Variants in SCAPER observed in about 807,000 individuals in gnomAD.
SCAPER encodes S phase cyclin A-associated protein in the endoplasmic reticulum.
SCAPER carries 98 observed loss-of-function variants against 182.2 expected under a neutral mutation model. That is an observed-to-expected ratio of 0.54 (90% CI 0.46 to 0.64). The LOEUF is 0.64. Ranked by LOEUF, SCAPER falls within the 30% of genes least tolerant of loss-of-function variation. SCAPER has a pLI of 0.00. For synonymous variants in SCAPER, 605 were observed against 564.6 expected (o/e 1.07, Z -1.01); for missense variants, 1,432 against 1,690.0 (o/e 0.85, Z 2.68).
intron 22 of SCAPER, among the ~76,000 whole-genome samples, chr15:76,605,332 T>C (rs964072768): frequency 6.6e-6 from 1 of 152,122 alleles, no homozygotes; most frequent in Non-Finnish European, 1.5e-5. Context: ...TGTTTATTGA[T>C]TTGCGTATGT....
At chr15:76,722,570 G>A (rs1231258404) in intron 17 of SCAPER, among the ~76,000 whole-genome samples, 4 of 152,172 alleles carry the variant, frequency 2.6e-5, no homozygotes, top group Non-Finnish European at 4.4e-5. Flanking sequence ...ACTTTCTTTG[G>A]TTGGTAAGCT....
At chr15:76,694,357 ATG>A (rs1248726292) in intron 20 of SCAPER, among the ~76,000 whole-genome samples, 6 of 152,068 alleles carry the variant, frequency 3.9e-5, no homozygotes, top group African/African-American at 1.4e-4. Flanking sequence ...GTGATTATGA[ATG>A]AGATAATTTT....
intron 22 of SCAPER, among the ~76,000 whole-genome samples, chr15:76,608,927 C>G (rs1327336405): frequency 6.6e-6 from 1 of 152,172 alleles, no homozygotes; most frequent in South Asian, 2.1e-4. Flanking sequence ...TCTGTCACCC[C>G]TTTCTTTGAC....
At chr15:76,628,383 T>C (rs562860017) in intron 21 of SCAPER, among the ~76,000 whole-genome samples, 2 of 152,320 alleles carry the variant, frequency 1.3e-5, no homozygotes, top group African/African-American at 4.8e-5. Context: ...ACTACTGAGG[T>C]TGTCTTCCAG....
At position 76,396,805 on chromosome 15, in the gene SCAPER, T is replaced by C. The variant is rs116055048; in HGVS notation, c.3467+7719A>G. Among the ~76,000 whole-genome samples the C allele has an allele frequency of 8.3e-3, 1,260 of 152,314 alleles. 17 individuals are homozygous for C. The highest frequency in any genetic ancestry group is 0.029 in the African/African-American group (1,200 of 41,566). ...TCCTTTCTGATTCAGATGCCTTTTC[T>C]TTCTTCTGTCTGATTGCTCTAGCTA... On this transcript the variant is annotated intron_variant, in intron 27 of 31. Coordinates refer to ENST00000563290, the MANE Select transcript of SCAPER (RefSeq NM_020843.4).
At chr15:76,422,853 C>T (rs2046145424) in intron 26 of SCAPER, among the ~76,000 whole-genome samples, 1 of 152,114 alleles carries the variant, frequency 6.6e-6, no homozygotes, top group Non-Finnish European at 1.5e-5. Context: ...TTGTCAAAGG[C>T]CTTTTCTGCA....
At chr15:76,740,878 T>C (rs1380159321) in intron 15 of SCAPER, among the ~76,000 whole-genome samples, 4 of 152,202 alleles carry the variant, frequency 2.6e-5, no homozygotes, top group Middle Eastern at 3.4e-3. Context: ...AATAAAACTA[T>C]GAATAATTAT....
chr15:76,803,229 A>C (rs1038581141), intron 6 of SCAPER, among the ~76,000 whole-genome samples: 1 of 152,130 alleles, frequency 6.6e-6, no homozygotes, highest in East Asian at 1.9e-4. Context: ...CTGCCCTACT[A>C]AATTCCTTGA....
At chr15:76,488,714 C>CTTTTTTTTTTATTTTTTTTTTTT (rs2051925097) in intron 24 of SCAPER, among the ~76,000 whole-genome samples, 1 of 93,144 alleles carries the variant, frequency 1.1e-5, no homozygotes, top group Non-Finnish European at 2.0e-5. Flanking sequence ...AGTACACTGC[C>CTTTTTTTTTTATTTTTTTTTTTT]TTTTTTTTTT....
intron 26 of SCAPER, among the ~76,000 whole-genome samples, chr15:76,426,015 C>T (rs1332679114): frequency 6.6e-6 from 1 of 152,236 alleles, no homozygotes. Flanking sequence ...AGGTGTCAGT[C>T]TGCCCCTACT....
intron 21 of SCAPER, among the ~76,000 whole-genome samples, chr15:76,663,127 T>C (rs183986819): frequency 1.3e-5 from 2 of 152,200 alleles, no homozygotes; most frequent in Non-Finnish European, 2.9e-5. Flanking sequence ...TTTTTTTAAA[T>C]TGGGACACTT....
chr15:76,452,548 C>G (rs1197824598), intron 25 of SCAPER, among the ~76,000 whole-genome samples: 1 of 152,174 alleles, frequency 6.6e-6, no homozygotes, highest in African/African-American at 2.4e-5. Context: ...AGTGATATAG[C>G]TAAACAGTCT....
intron 1 of SCAPER, among the ~76,000 whole-genome samples, chr15:76,905,021 G>C (rs2074988149): frequency 6.6e-6 from 1 of 152,068 alleles, no homozygotes; most frequent in Non-Finnish European, 1.5e-5. Context: ...TCACACCCCA[G>C]ATGAGCCCGC....
intron 9 of SCAPER, among the ~76,000 whole-genome samples, chr15:76,773,847 G>T (rs1057267683): frequency 6.6e-6 from 1 of 151,622 alleles, no homozygotes; most frequent in Non-Finnish European, 1.5e-5. Context: ...GATCTATTTA[G>T]TTCCTGTAGT....
chr15:76,433,318 G>A (rs772103972), intron 26 of SCAPER, among the ~76,000 whole-genome samples: 3 of 152,130 alleles, frequency 2.0e-5, no homozygotes, highest in Non-Finnish European at 4.4e-5. Context: ...GACCAGCCTG[G>A]CAAACATGGT....
chr15:76,876,494 C>T (rs886210452), intron 2 of SCAPER, among the ~76,000 whole-genome samples: 8 of 148,262 alleles, frequency 5.4e-5, no homozygotes, highest in African/African-American at 1.5e-4. Context: ...TAAACATAAA[C>T]GTACTTGCAA....
Position 76,741,580 on chromosome 15 carries a change from A to T in SCAPER, c.1867-8196T>A, listed in dbSNP as rs562285311. On this transcript the variant is annotated intron_variant, in intron 15 of 31. Transcript: ENST00000563290. The stretch of plus-strand genomic sequence containing the variant: ...TGGTGGCAGCTGCAATGGAAAATGT[A>T]GCTGCCTACAGAGTTAGAGAACTGC... 3.9e-5 allele frequency among the ~76,000 whole-genome samples: 6 copies of T among 152,240 alleles called. 1 individual carries two copies. The highest frequency in any genetic ancestry group is 1.4e-4 in the African/African-American group (6 of 41,568).
intron 5 of SCAPER, among the ~76,000 whole-genome samples, chr15:76,840,539 A>T (rs974467538): frequency 6.6e-6 from 1 of 152,176 alleles, no homozygotes; most frequent in Non-Finnish European, 1.5e-5. Flanking sequence ...TTTGATAACT[A>T]GTATTTTTAA....
At chr15:76,492,897 T>C (rs2052465165) in intron 24 of SCAPER, among the ~76,000 whole-genome samples, 1 of 126,698 alleles carries the variant, frequency 7.9e-6, no homozygotes, top group Non-Finnish European at 1.6e-5. Flanking sequence ...CAGAAGACAA[T>C]GGGATGGATA....
Sources: gnomAD v4.1 joint callset for allele counts (sites outside exome capture counted in the v4.1 genomes callset) on GRCh38, gnomAD v4.1.1 for gene constraint, MANE v1.5 for transcripts, NCBI Gene and HGNC (gene_info 2026-07-23, HGNC 2026-07-21) for gene names.